INIP: variants seen among roughly 807,000 people sequenced by gnomAD.
INIP encodes INTS3 and NABP interacting protein.
A neutral mutation model predicts 14.0 loss-of-function variants in INIP; 9 were observed. That is an observed-to-expected ratio of 0.64 (90% CI 0.39 to 1.12). INIP has a LOEUF of 1.12. Among genes scored for constraint, INIP ranks in the 50% most tolerant of loss-of-function variants. The pLI is 0.01. For synonymous variants in INIP, 37 were observed against 41.5 expected, an observed-to-expected ratio of 0.89 and a Z score of 0.41; for missense variants, 78 against 122.7, an observed-to-expected ratio of 0.64 and a Z score of 1.72.
rs1837620429 is a variant in INIP at position 112,685,279 on chromosome 9, CAG to C, written c.*2257_*2258del. On this transcript the variant is annotated 3_prime_UTR_variant, in exon 5 of 5. Coordinates refer to ENST00000374242, the MANE Select transcript of INIP (RefSeq NM_021218.3). ...TTTTTTTTTAATTTTTTAGTAGAGA[CAG>C]GGGTCTCACTATGTTGCCTAGGCTG... 1.3e-5 allele frequency: 2 copies of C among 149,986 alleles called. No individual in the cohort carries two copies. Among genetic ancestry groups the C allele is most frequent in the African/African-American group, 4.9e-5 (2 of 40,692 alleles). The allele number at this position is 149,986 out of a possible 1,614,324, so 9.3% of individuals were successfully genotyped here.
chr9:112,695,086 C>T (rs577372404), intron 2 of INIP, among the ~76,000 whole-genome samples: 10 of 152,240 alleles, frequency 6.6e-5, no homozygotes, highest in Admixed American at 1.3e-4. Flanking sequence ...TATGCCCCCA[C>T]GGCAACAATT....
chr9:112,707,308 C>A (rs1169452945), intron 2 of INIP, among the ~76,000 whole-genome samples: 17 of 129,690 alleles, frequency 1.3e-4, no homozygotes, highest in Middle Eastern at 4.0e-3. Context: ...TTTTAAAAAA[C>A]AAATAAAAAA....
chr9:112,695,006 C>G (rs558649219), intron 2 of INIP, among the ~76,000 whole-genome samples: 1 of 152,290 alleles, frequency 6.6e-6, no homozygotes, highest in Non-Finnish European at 1.5e-5. Flanking sequence ...CATTGAGAAA[C>G]TGTACACTAA....
intron 2 of INIP, among the ~76,000 whole-genome samples, 175 bp downstream of exon 2, chr9:112,716,286 C>T (rs1038286805): frequency 6.6e-6 from 1 of 152,078 alleles, no homozygotes. Flanking sequence ...AAGCAGTCCA[C>T]CCGACTTGGC....
intron 2 of INIP, among the ~76,000 whole-genome samples, chr9:112,703,607 A>C (rs1838367237): frequency 6.6e-6 from 1 of 152,302 alleles, no homozygotes; most frequent in African/African-American, 2.4e-5. Context: ...TCCATGTCTT[A>C]GGGCAGGAAA....
chr9:112,704,207 G>A (rs573983761), intron 2 of INIP, among the ~76,000 whole-genome samples: 3 of 152,280 alleles, frequency 2.0e-5, no homozygotes, highest in East Asian at 3.9e-4. Context: ...ACAGCAATAT[G>A]TATTTTTAAA....
intron 1 of INIP, among the ~76,000 whole-genome samples, chr9:112,717,103 T>G (rs2131323289): frequency 6.6e-6 from 1 of 152,338 alleles, no homozygotes; most frequent in Admixed American, 6.5e-5. Flanking sequence ...CATTTAGCAT[T>G]ACTGTCTTTA....
intron 2 of INIP, among the ~76,000 whole-genome samples, chr9:112,709,773 G>A (rs1264548148): frequency 2.0e-5 from 3 of 152,106 alleles, no homozygotes; most frequent in Non-Finnish European, 4.4e-5. Flanking sequence ...GAACTCCCAG[G>A]CCAGTCTGAG....
In INIP at chr9:112,717,539, A is replaced by C. The variant is rs563886350; in HGVS notation, c.-57+448T>G. 2.5e-3 allele frequency among the ~76,000 whole-genome samples: 385 copies of C among 152,152 alleles called. 6 individuals carry two copies. The highest frequency in any genetic ancestry group is 8.9e-3 in the African/African-American group (371 of 41,490). On this transcript the variant is annotated intron_variant, in intron 1 of 4. Transcript: ENST00000374242. ...CCATACTATTAATTAAAAAAAAAAA[A>C]AGCTTAACAAACCCGCTCTTTAAAA...
intron 2 of INIP, among the ~76,000 whole-genome samples, chr9:112,695,797 A>C: frequency 8.4e-6 from 1 of 119,002 alleles, no homozygotes; most frequent in Admixed American, 8.5e-5. Context: ...GGGGAGGGGG[A>C]GGAGGAGGAG....
intron 2 of INIP, among the ~76,000 whole-genome samples, chr9:112,715,876 A>G (rs1254935805): frequency 6.6e-6 from 1 of 152,104 alleles, no homozygotes; most frequent in Non-Finnish European, 1.5e-5. Context: ...TTAAAAATGA[A>G]GACACAAACA....
chr9:112,692,213 G>C (rs1392581311), intron 3 of INIP, among the ~76,000 whole-genome samples: 1 of 152,186 alleles, frequency 6.6e-6, no homozygotes, highest in Non-Finnish European at 1.5e-5. Context: ...AGAAAGTAAA[G>C]ATGAGTACAG....
chr9:112,715,359 C>T (rs767642054), intron 2 of INIP, among the ~76,000 whole-genome samples: 41 of 152,208 alleles, frequency 2.7e-4, no homozygotes, highest in Non-Finnish European at 5.4e-4. Context: ...TTAGGCTGCA[C>T]TAAATTTATT....
Position 112,684,892 on chromosome 9 carries a change from G to A in INIP, c.*2646C>T, listed in dbSNP as rs1837602301. On this transcript the variant is annotated 3_prime_UTR_variant, in exon 5 of 5. Coordinates refer to ENST00000374242, the MANE Select transcript of INIP (RefSeq NM_021218.3). ...GAAGCAATGCTGACCTCCACCTGAG[G>A]GCTTCCCAGTCCACTGCTGCCCTTT... is the stretch of plus-strand genomic sequence containing the variant. 1 of 152,196 alleles carries A rather than the reference G, an allele frequency of 6.6e-6. No individual in the cohort carries two copies. Among genetic ancestry groups the A allele is most frequent in the Non-Finnish European group, 1.5e-5 (1 of 68,070 alleles). The allele number at this position is 152,196 out of a possible 1,614,324, so 9.4% of individuals were successfully genotyped here. A position where few individuals can be genotyped will look rare whatever the true frequency, so the allele number is the denominator to read the frequency against.
rs762288543 is a variant in INIP at position 112,689,580 on chromosome 9, G to A, written c.166C>T (p.Arg56Trp). The A allele has an allele frequency of 5.6e-6, 9 of 1,613,996 alleles. No individual in the cohort carries two copies. The highest frequency in any genetic ancestry group is 3.3e-5 in the Admixed American group (2 of 60,000). The change falls in exon 4 of 5, where the codon CGG (arginine) becomes TGG (tryptophan). Residue 56 changes from arginine (R) to tryptophan (W), a missense_variant. Arg to Trp is a moderately radical substitution (Grantham distance 101). Coordinates refer to ENST00000374242, the MANE Select transcript of INIP (RefSeq NM_021218.3). ...LSRPSLNKDF[R>W]DHAEQQHIAA... ...ATATGCTGCTGCTCAGCGTGATCCC[G>A]GAAGTCCTTATTAAGAGAGGGTCTC...
chr9:112,716,450 G>T lies in INIP; in HGVS notation c.25+11C>A. On this transcript the variant is annotated intron_variant, in intron 2 of 4. Transcript: ENST00000374242. ...AAATGTTCATAGTAAAGAAATTCCT[G>T]CTGTCATTACCTTGTCCTGAAGAGT... is the stretch of plus-strand genomic sequence containing the variant. 1 of 1,612,024 alleles carries T rather than the reference G, an allele frequency of 6.2e-7. No homozygotes were observed. Among genetic ancestry groups the T allele is most frequent in the Non-Finnish European group, 8.5e-7 (1 of 1,178,230 alleles).
chr9:112,695,723 AAAGAAGAAGAGG>A (rs1319087057), intron 2 of INIP, among the ~76,000 whole-genome samples: 10 of 149,824 alleles, frequency 6.7e-5, no homozygotes, highest in Middle Eastern at 3.2e-3. Context: ...ATTCATTAAA[AAAGAAGAAGAGG>A]AAGAAGAGGA....
chr9:112,687,725 T>C, intron 4 of INIP, 92 bp from the exon 5 acceptor site: 2 of 603,862 alleles, frequency 3.3e-6, no homozygotes, highest in Non-Finnish European at 5.7e-6. Flanking sequence ...TTCTGAATGC[T>C]TGAGACCAAA....
chr9:112,688,343 A>G (rs1211708045), intron 4 of INIP, among the ~76,000 whole-genome samples: 1 of 152,130 alleles, frequency 6.6e-6, no homozygotes, highest in Non-Finnish European at 1.5e-5. Context: ...CTTGGTCAAC[A>G]AACCAGGAAC....
Sources: gnomAD v4.1 joint callset for allele counts (sites outside exome capture counted in the v4.1 genomes callset) on GRCh38, gnomAD v4.1.1 for gene constraint, MANE v1.5 for transcripts, NCBI Gene and HGNC (gene_info 2026-07-23, HGNC 2026-07-21) for gene names.